Variants in CNTN4 observed in about 807,000 individuals in gnomAD.
CNTN4 encodes the protein contactin 4.
CNTN4 carries 77 observed loss-of-function variants against 122.5 expected under a neutral mutation model. The observed-to-expected ratio is 0.63, with a 90% CI of 0.52 to 0.76. CNTN4 has a LOEUF of 0.76. Among genes scored for constraint, CNTN4 ranks in the 30% least tolerant of loss-of-function variants. The probability of loss-of-function intolerance (pLI) is 0.00; values close to 1 mark genes in which losing one functional copy is unlikely to be tolerated. For missense variants in CNTN4, 1,256 were observed against 1,259.1 expected (o/e 1.00, Z 0.04); for synonymous variants, 512 against 447.0 (o/e 1.15, Z -1.83).
intron 4 of CNTN4, among the ~76,000 whole-genome samples, chr3:2,712,337 T>G (rs564188940): frequency 9.2e-5 from 14 of 152,164 alleles, no homozygotes; most frequent in Non-Finnish European, 1.9e-4. Flanking sequence ...AAATTATTAC[T>G]TGAACAACTA....
At chr3:2,210,357 C>G (rs550475601) in intron 2 of CNTN4, among the ~76,000 whole-genome samples, 1 of 152,236 alleles carries the variant, frequency 6.6e-6, no homozygotes, top group East Asian at 1.9e-4. Context: ...CCCTGAGGAG[C>G]TGGAGGAGGT....
At chr3:2,642,364 C>A (rs2082935100) in intron 4 of CNTN4, among the ~76,000 whole-genome samples, 1 of 152,132 alleles carries the variant, frequency 6.6e-6, no homozygotes, top group African/African-American at 2.4e-5. Context: ...TCTGCCGTTC[C>A]CAGTCCACTG....
intron 7 of CNTN4, among the ~76,000 whole-genome samples, chr3:2,854,680 GA>G (rs1389576056): frequency 6.6e-6 from 1 of 152,094 alleles, no homozygotes. Context: ...GGAGAATGTG[GA>G]ATTGTTTAAT....
At chr3:2,915,491 TTTAC>T (rs1264212123) in intron 12 of CNTN4, among the ~76,000 whole-genome samples, 2 of 152,268 alleles carry the variant, frequency 1.3e-5, no homozygotes, top group African/African-American at 4.8e-5. Context: ...CTTTTATTTA[TTTAC>T]TTACTTATTC....
At chr3:2,369,991 G>C (rs566308129) in intron 3 of CNTN4, among the ~76,000 whole-genome samples, 9 of 152,154 alleles carry the variant, frequency 5.9e-5, no homozygotes, top group Non-Finnish European at 8.8e-5. Context: ...ATTTTCCAAA[G>C]AGCCTCTGAA....
intron 4 of CNTN4, among the ~76,000 whole-genome samples, chr3:2,669,346 C>A (rs1279698705): frequency 2.0e-5 from 3 of 152,154 alleles, no homozygotes; most frequent in African/African-American, 7.2e-5. Context: ...AGGAATTTAT[C>A]CATTTCTTCT....
intron 4 of CNTN4, among the ~76,000 whole-genome samples, chr3:2,657,836 C>T (rs1275713350): frequency 6.6e-6 from 1 of 151,422 alleles, no homozygotes; most frequent in Non-Finnish European, 1.5e-5. Flanking sequence ...TTCTTAATTT[C>T]AGTGGGGGCA....
intron 2 of CNTN4, among the ~76,000 whole-genome samples, chr3:2,239,675 G>A (rs1435238537): frequency 6.6e-6 from 1 of 152,096 alleles, no homozygotes; most frequent in Non-Finnish European, 1.5e-5. Context: ...GTATTGGTAA[G>A]ACTGCAATAG....
intron 13 of CNTN4, among the ~76,000 whole-genome samples, chr3:2,941,664 G>T (rs1411854900): frequency 6.6e-6 from 1 of 152,134 alleles, no homozygotes; most frequent in African/African-American, 2.4e-5. Flanking sequence ...GGTTGCAGTA[G>T]CCCCGACGCG....
intron 2 of CNTN4, among the ~76,000 whole-genome samples, chr3:2,198,026 T>TG (rs2037926222): frequency 8.8e-6 from 1 of 113,890 alleles, no homozygotes; most frequent in Non-Finnish European, 1.9e-5. Context: ...ACACTCTCTC[T>TG]GGAAAAAAAA....
chr3:2,398,477 C>G (rs895049099), intron 3 of CNTN4, among the ~76,000 whole-genome samples: 9 of 152,086 alleles, frequency 5.9e-5, no homozygotes, highest in African/African-American at 2.2e-4. Flanking sequence ...AAAATTAATA[C>G]TTTTCCAAAT....
rs1038790784 is a variant in CNTN4, at chr3:2,647,422, A to T, written c.55+75864A>T. Among the ~76,000 whole-genome samples, 3 of 148,156 alleles carry T rather than the reference A, an allele frequency of 2.0e-5. No individual in the cohort carries two copies. The East Asian group carries it at 6.0e-4, about 30-fold the overall frequency. ...ATAAATAAATAAATAAATAAATAGCATAAGTAACCTATGCCTTATCTCAAG... is the reference window on the plus strand; with the variant it reads ...ATAAATAAATAAATAAATAAATAGCTTAAGTAACCTATGCCTTATCTCAAG... On this transcript the variant is annotated intron_variant, in intron 4 of 24. Transcript: ENST00000418658.
intron 4 of CNTN4, among the ~76,000 whole-genome samples, chr3:2,636,912 CTT>C (rs1173314338): frequency 5.9e-5 from 7 of 117,846 alleles, no homozygotes; most frequent in Non-Finnish European, 1.1e-4. Context: ...TTTCCTCTTT[CTT>C]TCTTTCTTTG....
At chr3:2,639,107 G>T (rs1452246688) in intron 4 of CNTN4, among the ~76,000 whole-genome samples, 4 of 152,098 alleles carry the variant, frequency 2.6e-5, no homozygotes, top group South Asian at 4.1e-4. Context: ...AAGTAAACCA[G>T]AACACAACAT....
At chr3:2,548,835 G>A (rs776668326) in intron 3 of CNTN4, among the ~76,000 whole-genome samples, 10 of 152,018 alleles carry the variant, frequency 6.6e-5, no homozygotes, top group African/African-American at 9.7e-5. Flanking sequence ...TTTTGTTTGC[G>A]TCGTCTCTTA....
At chr3:2,654,012 A>G (rs2083471513) in intron 4 of CNTN4, among the ~76,000 whole-genome samples, 1 of 152,192 alleles carries the variant, frequency 6.6e-6, no homozygotes, top group African/African-American at 2.4e-5. Context: ...ATTGTTGTTA[A>G]TTCTTTGTTT....
intron 3 of CNTN4, among the ~76,000 whole-genome samples, chr3:2,546,408 G>A (rs1385256049): frequency 6.6e-6 from 1 of 151,724 alleles, no homozygotes; most frequent in African/African-American, 2.4e-5. Context: ...ACTAATTGCA[G>A]GAACAGAAAA....
At chr3:2,868,905 C>T (rs1161916489) in intron 8 of CNTN4, among the ~76,000 whole-genome samples, 1 of 151,942 alleles carries the variant, frequency 6.6e-6, no homozygotes, top group Non-Finnish European at 1.5e-5. Flanking sequence ...AAGGAGGGGA[C>T]ATTTGAGCTG....
chr3:2,241,930 C>T (rs922408391), intron 2 of CNTN4, among the ~76,000 whole-genome samples: 1 of 152,044 alleles, frequency 6.6e-6, no homozygotes, highest in African/African-American at 2.4e-5. Flanking sequence ...TTGTTTTCTG[C>T]CCCATTGGAT....
Sources: gnomAD v4.1 joint callset for allele counts (sites outside exome capture counted in the v4.1 genomes callset) on GRCh38, gnomAD v4.1.1 for gene constraint, MANE v1.5 for transcripts, NCBI Gene and HGNC (gene_info 2026-07-23, HGNC 2026-07-21) for gene names.